The following WDR70 variants were observed in gnomAD, a reference collection of about 807,000 sequenced individuals.
The protein encoded by WDR70 is WD repeat-containing protein 70.
A neutral mutation model predicts 88.6 loss-of-function variants in WDR70; 53 were observed. The observed-to-expected ratio is 0.60, with a 90% confidence interval of 0.48 to 0.75. The LOEUF (loss-of-function observed/expected upper bound fraction) is 0.75. WDR70 is among the 30% of genes least tolerant of loss of function. The probability of loss-of-function intolerance (pLI) is 0.00; values close to 1 mark genes in which losing one functional copy is unlikely to be tolerated. For missense variants in WDR70, 610 were observed against 823.2 expected (o/e 0.74, Z 3.17); for synonymous variants, 280 against 270.0 (o/e 1.04, Z -0.36).
intron 9 of WDR70, among the ~76,000 whole-genome samples, chr5:37,526,635 C>T (rs2112291131): frequency 6.6e-6 from 1 of 152,152 alleles, no homozygotes; most frequent in South Asian, 2.1e-4. Context: ...CTGGCCAGGG[C>T]AATGAGGCAG....
rs761298246 is a variant in WDR70, at chr5:37,721,100, G to A, written c.1417-15G>A. The A allele has an allele frequency of 6.8e-6, 11 of 1,612,934 alleles. No homozygotes were observed. The highest frequency in any genetic ancestry group is 1.7e-4 in the Middle Eastern group (1 of 6,046). ...TCTGGCCTCTTTAGTCAACCACTGCGCTTTTCCTTTGCAGAGTGTTGTTCG... is the reference window on the plus strand; with the variant it reads ...TCTGGCCTCTTTAGTCAACCACTGCACTTTTCCTTTGCAGAGTGTTGTTCG... On this transcript the variant is annotated splice_polypyrimidine_tract_variant and intron_variant, in intron 13 of 17. Coordinates refer to ENST00000265107, the MANE Select transcript of WDR70 (RefSeq NM_018034.4).
intron 5 of WDR70, among the ~76,000 whole-genome samples, chr5:37,398,315 C>A (rs915767096): frequency 2.6e-5 from 4 of 151,692 alleles, no homozygotes; most frequent in African/African-American, 9.7e-5. Flanking sequence ...GTCTCGATCT[C>A]CTGACCTCGT....
intron 9 of WDR70, among the ~76,000 whole-genome samples, chr5:37,579,895 G>C (rs189971190): frequency 3.3e-5 from 5 of 151,772 alleles, no homozygotes; most frequent in Admixed American, 1.3e-4. Flanking sequence ...TTAACACTCC[G>C]TTTTAATTTT....
chr5:37,542,349 G>A (rs550722896), intron 9 of WDR70, among the ~76,000 whole-genome samples: 2 of 149,828 alleles, frequency 1.3e-5, no homozygotes, highest in East Asian at 3.9e-4. Context: ...GCGTGATCTC[G>A]GCTCACTGCA....
At chr5:37,644,771 T>C (rs1393250266) in intron 10 of WDR70, among the ~76,000 whole-genome samples, 1 of 152,016 alleles carries the variant, frequency 6.6e-6, no homozygotes, top group Admixed American at 6.6e-5. Context: ...TAATTGCTCA[T>C]AATAGCTGCT....
intron 10 of WDR70, among the ~76,000 whole-genome samples, chr5:37,695,171 G>C (rs1165220701): frequency 6.6e-6 from 1 of 152,110 alleles, no homozygotes; most frequent in Non-Finnish European, 1.5e-5. Context: ...AGTAAGAGAA[G>C]GGGGAGGGAG....
At chr5:37,602,993 T>C (rs1743932161) in intron 9 of WDR70, among the ~76,000 whole-genome samples, 1 of 151,512 alleles carries the variant, frequency 6.6e-6, no homozygotes, top group East Asian at 1.9e-4. Flanking sequence ...ATAAAAAAAA[T>C]AAAAGGACAC....
At chr5:37,693,633 TG>T (rs1746884890) in intron 10 of WDR70, among the ~76,000 whole-genome samples, 1 of 152,220 alleles carries the variant, frequency 6.6e-6, no homozygotes, top group Non-Finnish European at 1.5e-5. Context: ...TAAATGGTGC[TG>T]GGAAAACTGG....
chr5:37,712,846 C>T (rs891231896), intron 13 of WDR70, among the ~76,000 whole-genome samples: 3 of 152,008 alleles, frequency 2.0e-5, no homozygotes, highest in East Asian at 1.9e-4. Context: ...GGATTACAAG[C>T]GTGCACTACC....
chr5:37,519,816 G>A (rs1055123025), intron 9 of WDR70, among the ~76,000 whole-genome samples: 1 of 152,216 alleles, frequency 6.6e-6, no homozygotes, highest in East Asian at 1.9e-4. Context: ...TAAATCATAT[G>A]GTAGCTCTAT....
At chr5:37,699,400 TATACACACACAC>T (rs1747085230) in intron 11 of WDR70, among the ~76,000 whole-genome samples, 1 of 146,954 alleles carries the variant, frequency 6.8e-6, no homozygotes, top group African/African-American at 2.5e-5. Flanking sequence ...TGTATATATA[TATACACACACAC>T]ACACACACAC....
intron 3 of WDR70, among the ~76,000 whole-genome samples, chr5:37,387,734 G>A (rs969249436): frequency 4.6e-5 from 7 of 151,510 alleles, no homozygotes; most frequent in Non-Finnish European, 7.4e-5. Flanking sequence ...CCTGTGAGCT[G>A]TCCTAGCAAA....
chr5:37,589,827 C>G (rs1388133981), intron 9 of WDR70, among the ~76,000 whole-genome samples: 4 of 152,062 alleles, frequency 2.6e-5, no homozygotes, highest in African/African-American at 7.2e-5. Flanking sequence ...GTCTTGAATA[C>G]CTGGACTCAA....
chr5:37,415,863 A>G, intron 5 of WDR70, among the ~76,000 whole-genome samples: 1 of 124,072 alleles, frequency 8.1e-6, no homozygotes, highest in African/African-American at 3.1e-5. Context: ...CGCTCCTCAC[A>G]TCCCAGACGG....
intron 7 of WDR70, among the ~76,000 whole-genome samples, chr5:37,455,277 C>G (rs986684452): frequency 7.1e-6 from 1 of 140,522 alleles, no homozygotes; most frequent in African/African-American, 2.6e-5. Context: ...TAGAGTCTAG[C>G]TCTGTTGCCC....
At chr5:37,733,632 T>C (rs12522471) in intron 17 of WDR70, among the ~76,000 whole-genome samples, 1 of 152,092 alleles carries the variant, frequency 6.6e-6, no homozygotes, top group Admixed American at 6.6e-5. Flanking sequence ...TAGCGCTGCC[T>C]GTTCTCATTA....
At chr5:37,717,344 T>C (rs911965585) in intron 13 of WDR70, among the ~76,000 whole-genome samples, 3 of 152,246 alleles carry the variant, frequency 2.0e-5, no homozygotes, top group Admixed American at 6.5e-5. Context: ...CCTTCTGCCA[T>C]TGGAATCTCA....
intron 8 of WDR70, among the ~76,000 whole-genome samples, chr5:37,502,033 A>T (rs760415387): frequency 3.3e-5 from 5 of 152,058 alleles, no homozygotes; most frequent in Non-Finnish European, 7.4e-5. Context: ...CAGTATGATC[A>T]TTTTCATGAT....
chr5:37,712,210 C>T, intron 13 of WDR70, among the ~76,000 whole-genome samples: 1 of 152,088 alleles, frequency 6.6e-6, no homozygotes, highest in East Asian at 1.9e-4. Context: ...CCAGGCTGGT[C>T]TTGAACTCCT....
Sources: gnomAD v4.1 joint callset for allele counts (sites outside exome capture counted in the v4.1 genomes callset) on GRCh38, gnomAD v4.1.1 for gene constraint, MANE v1.5 for transcripts, NCBI Gene and HGNC (gene_info 2026-07-23, HGNC 2026-07-21) for gene names.